Variants in TRIM5 observed in about 807,000 individuals in gnomAD.
TRIM5 encodes the protein tripartite motif containing 5, also known as tripartite motif-containing protein 5.
In TRIM5, 31 loss-of-function variants were observed where a neutral mutation model predicts 35.6. That is an observed-to-expected ratio of 0.87 (90% CI 0.65 to 1.18). The LOEUF (loss-of-function observed/expected upper bound fraction) is 1.18, where lower values mean the gene tolerates loss of function less well. Ranked by LOEUF, TRIM5 falls within the 50% of genes most tolerant of loss-of-function variation. TRIM5 has a pLI of 0.00. For synonymous variants in TRIM5, 243 were observed against 215.6 expected (o/e 1.13, Z -1.11); for missense variants, 609 against 591.6 (o/e 1.03, Z -0.31).
the TRIM5 span, chr11:5,643,125 A>ATATTTT: frequency 1.2e-3 from 1,129 of 974,478 alleles, 6 homozygotes; most frequent in African/African-American, 0.012. Flanking sequence ...ATATATATAT[A>ATATTTT]TTTTTTTTTT....
At chr11:5,597,018 T>A in the TRIM5 span, 4 of 1,567,998 alleles carry the variant, frequency 2.6e-6, no homozygotes, top group African/African-American at 5.5e-5. Context: ...TCATTATATC[T>A]TTATTTCTTT....
At chr11:5,603,748 G>A in the TRIM5 span, 1 of 1,611,694 alleles carries the variant, frequency 6.2e-7, no homozygotes, top group South Asian at 1.1e-5. Flanking sequence ...GAGACCCCAG[G>A]ATGGAATGGG....
the TRIM5 span, among the ~76,000 whole-genome samples, chr11:5,598,569 C>A: frequency 6.6e-6 from 1 of 152,078 alleles, no homozygotes; most frequent in Non-Finnish European, 1.5e-5. Flanking sequence ...ATGCAAAATA[C>A]AATTAGGACA....
intron 4 of TRIM5, among the ~76,000 whole-genome samples, chr11:5,677,482 A>G (rs1399376855): frequency 2.0e-5 from 3 of 152,250 alleles, no homozygotes; most frequent in Admixed American, 2.0e-4. Flanking sequence ...GTGGAGAAAT[A>G]GGAACACTTT....
the TRIM5 span, chr11:5,611,397 T>C: frequency 7.6e-7 from 1 of 1,318,344 alleles, no homozygotes; most frequent in African/African-American, 1.5e-5. Flanking sequence ...TATCAGCATG[T>C]GATTCTCCCT....
At chr11:5,662,091 C>G (rs1440970747), downstream of TRIM5, among the ~76,000 whole-genome samples, 1 of 152,194 alleles carries the variant, frequency 6.6e-6, no homozygotes, top group African/African-American at 2.4e-5. Context: ...TAGCATCAAC[C>G]TCCTCGGTTT....
chr11:5,680,206 C>T lies in TRIM5; in HGVS notation c.-29G>A, dbSNP rs957594732. 2 of 1,552,994 alleles carry T rather than the reference C, an allele frequency of 1.3e-6. No homozygotes were observed. Among genetic ancestry groups the T allele is most frequent in the East Asian group, 2.3e-5 (1 of 44,284 alleles). On this transcript the variant is annotated 5_prime_UTR_variant, in exon 2 of 8. Transcript: ENST00000380034. ...AGCTATTCCACTGCTCCTGCCTGTC[C>T]TGGCTGCTGAGGTTCCTCTTGTTCA...
chr11:5,595,541 C>G, the TRIM5 span, among the ~76,000 whole-genome samples: 2 of 152,062 alleles, frequency 1.3e-5, no homozygotes, highest in African/African-American at 4.8e-5. Context: ...TTAATTAATA[C>G]GTCTATATGG....
At chr11:5,611,353 G>C in the TRIM5 span, 1 of 1,600,282 alleles carries the variant, frequency 6.2e-7, no homozygotes. Flanking sequence ...ATATTCTTCT[G>C]TTCCCACCCA....
chr11:5,608,536 G>A, the TRIM5 span: 8 of 1,349,280 alleles, frequency 5.9e-6, no homozygotes, highest in Non-Finnish European at 3.0e-6. Flanking sequence ...TGGAGTTTTG[G>A]CATCCCCAAA....
the TRIM5 span, chr11:5,603,782 C>T: frequency 3.1e-6 from 5 of 1,594,872 alleles, no homozygotes; most frequent in African/African-American, 4.0e-5. Context: ...GGGTCTTTGG[C>T]AGGTTTTAAC....
chr11:5,647,874 T>C, the TRIM5 span, among the ~76,000 whole-genome samples: 1 of 152,126 alleles, frequency 6.6e-6, no homozygotes, highest in Non-Finnish European at 1.5e-5. Flanking sequence ...GCAATGGTGA[T>C]GTCACGGGGG....
the TRIM5 span, chr11:5,588,823 G>A: frequency 1.3e-5 from 2 of 148,660 alleles, no homozygotes; most frequent in African/African-American, 2.5e-5. Flanking sequence ...TCGCTTTGTT[G>A]CCCAGGCTGG....
At chr11:5,618,385 A>G in the TRIM5 span, among the ~76,000 whole-genome samples, 2 of 152,162 alleles carry the variant, frequency 1.3e-5, no homozygotes, top group African/African-American at 4.8e-5. Flanking sequence ...CAAACAAACA[A>G]ACAAACAAAT....
chr11:5,673,581 T>C (rs1038818431), intron 4 of TRIM5, among the ~76,000 whole-genome samples: 5 of 152,168 alleles, frequency 3.3e-5, no homozygotes, highest in Admixed American at 3.3e-4. Flanking sequence ...CTTGACCTAA[T>C]GGACATCTTT....
At chr11:5,645,880 A>ATATATATATATAT in the TRIM5 span, 3 of 136,792 alleles carry the variant, frequency 2.2e-5, no homozygotes, top group African/African-American at 9.8e-5. Flanking sequence ...AAAAAAAAAA[A>ATATATATATATAT]ATATATATAT....
chr11:5,658,560 T>C (rs1408319382), downstream of TRIM5, among the ~76,000 whole-genome samples: 1 of 152,208 alleles, frequency 6.6e-6, no homozygotes, highest in East Asian at 1.9e-4. Flanking sequence ...CCAATACTGT[T>C]ATATTTTTCT....
the TRIM5 span, chr11:5,610,503 T>C: frequency 1.2e-6 from 2 of 1,613,924 alleles, no homozygotes; most frequent in Non-Finnish European, 1.7e-6. Flanking sequence ...GTTGGTCCTA[T>C]TCAACATTAT....
the TRIM5 span, among the ~76,000 whole-genome samples, chr11:5,620,190 T>TTTG: frequency 8.1e-6 from 1 of 123,956 alleles, no homozygotes; most frequent in Admixed American, 8.2e-5. Flanking sequence ...TTTTTTTTTT[T>TTTG]TTGTTGAGAC....
Sources: allele counts gnomAD v4.1 joint callset (sites outside exome capture counted in the v4.1 genomes callset), GRCh38; gene constraint gnomAD v4.1.1; transcripts MANE v1.5; gene names NCBI Gene and HGNC (gene_info 2026-07-23, HGNC 2026-07-21).